LMF1: variants seen among roughly 807,000 people sequenced by gnomAD.
The protein encoded by LMF1 is lipase maturation factor 1.
Under a neutral mutation model 60.6 loss-of-function variants are expected in LMF1, and 68 were observed. That is an observed-to-expected ratio of 1.12 (90% CI 0.92 to 1.37). The LOEUF is 1.37. Among genes scored for constraint, LMF1 ranks in the 40% most tolerant of loss-of-function variants. The pLI, the probability that LMF1 is intolerant of heterozygous loss-of-function variation, is 0.00. For synonymous variants in LMF1, 418 were observed against 324.7 expected, an observed-to-expected ratio of 1.29 and a Z score of -3.09; for missense variants, 948 against 767.2, an observed-to-expected ratio of 1.24 and a Z score of -2.78.
intron 3 of LMF1, among the ~76,000 whole-genome samples, chr16:915,623 G>A (rs2071258386): frequency 6.6e-6 from 1 of 152,182 alleles, no homozygotes. Flanking sequence ...ACCAGCCTTG[G>A]CGACCCCAGT....
chr16:868,151 C>T (rs1309376374), intron 10 of LMF1, among the ~76,000 whole-genome samples: 7 of 152,084 alleles, frequency 4.6e-5, no homozygotes, highest in South Asian at 2.1e-4. Context: ...TCAGAGTGGC[C>T]GCCCCAGGTC....
At chr16:885,873 C>G (rs1251450824) in intron 5 of LMF1, among the ~76,000 whole-genome samples, 1 of 152,204 alleles carries the variant, frequency 6.6e-6, no homozygotes, top group Non-Finnish European at 1.5e-5. Flanking sequence ...CCAATTTGAT[C>G]TAATGAATCC....
At chr16:937,782 G>A (rs1445782887) in intron 2 of LMF1, among the ~76,000 whole-genome samples, 1 of 152,248 alleles carries the variant, frequency 6.6e-6, no homozygotes, top group East Asian at 1.9e-4. Flanking sequence ...CAGGCTAGTT[G>A]TAAATTTGTA....
chr16:856,949 T>G (rs868338229), intron 10 of LMF1, among the ~76,000 whole-genome samples: 3 of 152,224 alleles, frequency 2.0e-5, no homozygotes, highest in South Asian at 2.1e-4. Context: ...GACCCCCGTG[T>G]CCTTCCACAC....
At chr16:949,013 C>A (rs368107600) in intron 2 of LMF1, among the ~76,000 whole-genome samples, 2 of 88,198 alleles carry the variant, frequency 2.3e-5, no homozygotes, top group Admixed American at 2.4e-4. Flanking sequence ...TCAGAGCCAA[C>A]GACAGAGTCA....
At chr16:938,938 G>A (rs1405971974) in intron 2 of LMF1, among the ~76,000 whole-genome samples, 1 of 152,198 alleles carries the variant, frequency 6.6e-6, no homozygotes, top group Non-Finnish European at 1.5e-5. Context: ...CGGGCAGACT[G>A]GACACAAGAG....
intron 10 of LMF1, among the ~76,000 whole-genome samples, chr16:856,885 A>G (rs1199981282): frequency 6.6e-6 from 1 of 152,136 alleles, no homozygotes; most frequent in East Asian, 1.9e-4. Context: ...TATAGTAGGG[A>G]TTGCAGCCAG....
intron 7 of LMF1, 34 bp downstream of exon 7, chr16:871,127 C>G: frequency 6.5e-7 from 1 of 1,527,070 alleles, no homozygotes; most frequent in Non-Finnish European, 8.8e-7. Context: ...CTTTCTCCTG[C>G]CCTTGGGCAG....
chr16:934,020 C>G (rs551105764), intron 3 of LMF1: 1 of 1,498,988 alleles, frequency 6.7e-7, no homozygotes, highest in Non-Finnish European at 8.9e-7. Context: ...ATGCGTGCGA[C>G]CATCCGTCTC....
chr16:890,349 G>A (rs1006614046), intron 5 of LMF1, among the ~76,000 whole-genome samples: 3 of 152,222 alleles, frequency 2.0e-5, no homozygotes, highest in Non-Finnish European at 4.4e-5. Context: ...GCTCCCTCAT[G>A]CCTTTTCAAG....
chr16:976,500 G>C (rs981177672), intron 1 of LMF1: 1 of 453,988 alleles, frequency 2.2e-6, no homozygotes. Flanking sequence ...GGAAGGTGAC[G>C]CTCTCTGGGA....
intron 3 of LMF1, among the ~76,000 whole-genome samples, chr16:930,310 G>A (rs2071743114): frequency 1.3e-5 from 2 of 152,350 alleles, no homozygotes; most frequent in South Asian, 4.1e-4. Context: ...AGCAGCAGGC[G>A]AGCTCGCTGG....
chr16:881,259 C>T (rs2070155396), intron 5 of LMF1, among the ~76,000 whole-genome samples: 1 of 152,222 alleles, frequency 6.6e-6, no homozygotes, highest in Non-Finnish European at 1.5e-5. Flanking sequence ...TGGGGAGGGT[C>T]CTGAGGCCTC....
intron 6 of LMF1, chr16:873,249 A>G (rs8043651): frequency 0.11 from 17,461 of 152,450 alleles, 2,981 homozygotes; most frequent in African/African-American, 0.37. Flanking sequence ...TTCTTCTAGC[A>G]TCACTGAGCC....
At chr16:951,224 T>TGACAGAGTCAGCCAAC (rs1030300395) in intron 2 of LMF1, among the ~76,000 whole-genome samples, 1,908 of 49,106 alleles carry the variant, frequency 0.039, 71 homozygotes, top group African/African-American at 0.22. Flanking sequence ...CAGAGTCAGC[T>TGACAGAGTCAGCCAAC]GACAGAGTCA....
chr16:868,574 G>A (rs1316396249), intron 10 of LMF1, among the ~76,000 whole-genome samples: 2 of 152,194 alleles, frequency 1.3e-5, no homozygotes, highest in South Asian at 2.1e-4. Flanking sequence ...TGGGGCTCCT[G>A]GAGTGAGGGC....
intron 1 of LMF1, chr16:981,035 G>A: frequency 4.5e-6 from 1 of 220,336 alleles, no homozygotes; most frequent in Non-Finnish European, 9.4e-6. Context: ...CCTCCAGCTG[G>A]CCGGCCCCCG....
At chr16:854,793 C>T in intron 10 of LMF1, 87 bp from the exon 11 acceptor site, 1 of 1,239,906 alleles carries the variant, frequency 8.1e-7, no homozygotes, top group Non-Finnish European at 1.1e-6. Flanking sequence ...GCTGCAGCTG[C>T]TCACAGGGTC....
chr16:855,484 A>C, intron 10 of LMF1: 1 of 357,116 alleles, frequency 2.8e-6, no homozygotes, highest in Non-Finnish European at 5.5e-6. Context: ...AGGACTGGGC[A>C]TTTTCTCCTG....
Sources: gnomAD v4.1 joint callset for allele counts (sites outside exome capture counted in the v4.1 genomes callset) on GRCh38, gnomAD v4.1.1 for gene constraint, MANE v1.5 for transcripts, NCBI Gene and HGNC (gene_info 2026-07-23, HGNC 2026-07-21) for gene names.